CNTNAP2: variants seen among roughly 807,000 people sequenced by gnomAD.
CNTNAP2 encodes contactin-associated protein-like 2.
In CNTNAP2, 98 loss-of-function variants were observed where a neutral mutation model predicts 155.2. The observed-to-expected ratio is 0.63, with a 90% confidence interval of 0.54 to 0.75. CNTNAP2 has a LOEUF of 0.75. CNTNAP2 is among the 30% of genes least tolerant of loss of function. CNTNAP2 has a pLI of 0.00. For synonymous variants in CNTNAP2, 651 were observed against 631.2 expected, an observed-to-expected ratio of 1.03 and a Z score of -0.47; for missense variants, 1,727 against 1,688.1, an observed-to-expected ratio of 1.02 and a Z score of -0.40.
chr7:146,791,972 A>G (rs373779826), intron 2 of CNTNAP2, among the ~76,000 whole-genome samples: 2 of 152,318 alleles, frequency 1.3e-5, no homozygotes, highest in East Asian at 3.9e-4. Context: ...GTTGGAATAG[A>G]AAAAAGTGTG....
intron 1 of CNTNAP2, among the ~76,000 whole-genome samples, chr7:146,534,399 T>A (rs1435356675): frequency 6.6e-6 from 1 of 152,132 alleles, no homozygotes; most frequent in Non-Finnish European, 1.5e-5. Context: ...GACGTAGGAA[T>A]AACAGTGATA....
At chr7:146,356,865 C>T (rs984481136) in intron 1 of CNTNAP2, among the ~76,000 whole-genome samples, 3 of 152,140 alleles carry the variant, frequency 2.0e-5, no homozygotes, top group Non-Finnish European at 2.9e-5. Flanking sequence ...CTTTAAGCTC[C>T]TAAGCATGAC....
intron 10 of CNTNAP2, among the ~76,000 whole-genome samples, chr7:147,480,677 T>C (rs777103696): frequency 1.3e-5 from 2 of 152,156 alleles, no homozygotes; most frequent in African/African-American, 4.8e-5. Flanking sequence ...ACTGAACAGA[T>C]CGTGTTAGCC....
chr7:147,291,269 G>A (rs1181903250), intron 8 of CNTNAP2, among the ~76,000 whole-genome samples: 1 of 151,918 alleles, frequency 6.6e-6, no homozygotes, highest in South Asian at 2.1e-4. Flanking sequence ...CATCATCTAG[G>A]TTTTAAGCCC....
intron 21 of CNTNAP2, among the ~76,000 whole-genome samples, chr7:148,291,151 A>C (rs1203044994): frequency 1.3e-5 from 2 of 152,072 alleles, no homozygotes; most frequent in Non-Finnish European, 2.9e-5. Flanking sequence ...GATGTGCAAG[A>C]ATCTAGATAT....
At chr7:147,682,199 A>G (rs1795956118) in intron 13 of CNTNAP2, among the ~76,000 whole-genome samples, 2 of 151,944 alleles carry the variant, frequency 1.3e-5, no homozygotes, top group South Asian at 2.1e-4. Context: ...AAGCAATGTA[A>G]TAAAGGATTA....
At chr7:146,598,988 C>G (rs1277081209) in intron 1 of CNTNAP2, among the ~76,000 whole-genome samples, 1 of 152,060 alleles carries the variant, frequency 6.6e-6, no homozygotes, top group East Asian at 1.9e-4. Context: ...CATTAACTGA[C>G]AATTCCAACC....
At chr7:147,605,963 T>G (rs540433230) in intron 12 of CNTNAP2, among the ~76,000 whole-genome samples, 2 of 151,896 alleles carry the variant, frequency 1.3e-5, no homozygotes, top group South Asian at 4.2e-4. Flanking sequence ...GTAAATAACA[T>G]GAGCCTCCTG....
At position 147,141,466 on chromosome 7, in the gene CNTNAP2, C is replaced by T. The variant is rs926039442; in HGVS notation, c.1348+8957C>T. Among the ~76,000 whole-genome samples, 7 of 152,144 alleles carry T rather than the reference C, an allele frequency of 4.6e-5. No individual in the cohort carries two copies. In the East Asian group the frequency reaches 1.2e-3, roughly 25 times the overall value. ...CTGTTTCAGTCACTGTTGAAACAAA[C>T]ATAATGTACACAACGGTTTTAAGCC... On this transcript the variant is annotated intron_variant, in intron 8 of 23. Transcript: ENST00000361727.
At chr7:148,029,173 A>G (rs895389300) in intron 15 of CNTNAP2, among the ~76,000 whole-genome samples, 1 of 152,020 alleles carries the variant, frequency 6.6e-6, no homozygotes, top group Non-Finnish European at 1.5e-5. Context: ...GCATTCGTAA[A>G]TTTCCCTTTT....
At chr7:147,738,229 G>A (rs1796891394) in intron 13 of CNTNAP2, among the ~76,000 whole-genome samples, 1 of 152,138 alleles carries the variant, frequency 6.6e-6, no homozygotes, top group Admixed American at 6.5e-5. Flanking sequence ...TTGTTGAAAT[G>A]GTAACAACGG....
chr7:146,321,248 A>G (rs953860807), intron 1 of CNTNAP2, among the ~76,000 whole-genome samples: 3 of 152,194 alleles, frequency 2.0e-5, no homozygotes, highest in Admixed American at 1.3e-4. Flanking sequence ...ATGGGGCATT[A>G]TTTCCTTTGA....
chr7:147,574,529 T>G (rs750218474), intron 12 of CNTNAP2, among the ~76,000 whole-genome samples: 1 of 152,150 alleles, frequency 6.6e-6, no homozygotes, highest in African/African-American at 2.4e-5. Context: ...ATCACCTCAC[T>G]GCAGAGGAAG....
chr7:146,341,023 C>T (rs896045888), intron 1 of CNTNAP2, among the ~76,000 whole-genome samples: 1 of 152,144 alleles, frequency 6.6e-6, no homozygotes, highest in African/African-American at 2.4e-5. Context: ...TAATTCACTA[C>T]GTTTTCTCTT....
At chr7:147,354,348 G>A (rs189857355) in intron 9 of CNTNAP2, among the ~76,000 whole-genome samples, 17 of 152,098 alleles carry the variant, frequency 1.1e-4, no homozygotes, top group African/African-American at 3.4e-4. Flanking sequence ...TCAGTTTTCC[G>A]CATATGGCTA....
chr7:147,072,982 A>G (rs1310955196), intron 4 of CNTNAP2, among the ~76,000 whole-genome samples: 1 of 149,666 alleles, frequency 6.7e-6, no homozygotes, highest in Non-Finnish European at 1.5e-5. Context: ...CCTCCCAAGT[A>G]GCTGGGACTA....
chr7:148,309,558 G>T (rs1159761097), intron 21 of CNTNAP2, among the ~76,000 whole-genome samples: 2 of 152,086 alleles, frequency 1.3e-5, no homozygotes, highest in South Asian at 2.1e-4. Flanking sequence ...TAAGATTCGG[G>T]TAAGTAAAGG....
chr7:147,987,272 C>T (rs34269572), intron 15 of CNTNAP2, among the ~76,000 whole-genome samples: 11 of 152,166 alleles, frequency 7.2e-5, no homozygotes, highest in Non-Finnish European at 1.5e-4. Flanking sequence ...ACAATTCCTG[C>T]GAAGGAAATC....
intron 3 of CNTNAP2, among the ~76,000 whole-genome samples, chr7:146,958,534 C>T (rs1487222342): frequency 6.6e-6 from 1 of 150,460 alleles, no homozygotes; most frequent in Non-Finnish European, 1.5e-5. Context: ...CTGCCTCAGC[C>T]TCCCGAGTAG....
Sources: allele counts gnomAD v4.1 joint callset (sites outside exome capture counted in the v4.1 genomes callset), GRCh38; gene constraint gnomAD v4.1.1; transcripts MANE v1.5; gene names NCBI Gene and HGNC (gene_info 2026-07-23, HGNC 2026-07-21).